The following NUP93 variants were observed in gnomAD, a reference collection of about 807,000 sequenced individuals.
NUP93 encodes nuclear pore complex protein Nup93.
NUP93 carries 55 observed loss-of-function variants against 107.8 expected under a neutral mutation model. That is an observed-to-expected ratio of 0.51 (90% confidence interval 0.41 to 0.64). The LOEUF is 0.64. Ranked by LOEUF, NUP93 falls within the 30% of genes least tolerant of loss-of-function variation. The pLI, the probability that NUP93 is intolerant of heterozygous loss-of-function variation, is 0.00. For missense variants in NUP93, 937 were observed against 1,044.7 expected (o/e 0.90, Z 1.42); for synonymous variants, 390 against 397.5 (o/e 0.98, Z 0.22).
intron 5 of NUP93, among the ~76,000 whole-genome samples, chr16:56,806,310 T>C (rs1963138415): frequency 6.6e-6 from 1 of 151,946 alleles, no homozygotes; most frequent in Non-Finnish European, 1.5e-5. Context: ...CCTTAAAATA[T>C]ACCCAGAATC....
chr16:56,804,252 T>G (rs901858071), intron 4 of NUP93, among the ~76,000 whole-genome samples: 6 of 152,176 alleles, frequency 3.9e-5, no homozygotes, highest in African/African-American at 1.4e-4. Flanking sequence ...GCAGGGATAT[T>G]TGTACACCCA....
chr16:56,814,629 C>G (rs1348782458), intron 5 of NUP93, among the ~76,000 whole-genome samples: 1 of 152,140 alleles, frequency 6.6e-6, no homozygotes, highest in Non-Finnish European at 1.5e-5. Flanking sequence ...CCATCCTGTC[C>G]TGGAATGGCT....
chr16:56,817,409 G>A (rs571470985), intron 5 of NUP93, among the ~76,000 whole-genome samples: 1 of 152,272 alleles, frequency 6.6e-6, no homozygotes, highest in Admixed American at 6.5e-5. Flanking sequence ...GTGCTGGGAA[G>A]CTTGGCTGTT....
At chr16:56,759,226 G>A (rs926060829) in intron 3 of NUP93, among the ~76,000 whole-genome samples, 4 of 152,190 alleles carry the variant, frequency 2.6e-5, no homozygotes, top group South Asian at 2.1e-4. Context: ...AGAAACTGAC[G>A]TAAAATTGTT....
intron 5 of NUP93, among the ~76,000 whole-genome samples, chr16:56,811,763 G>A (rs1204070734): frequency 1.3e-5 from 2 of 152,082 alleles, no homozygotes; most frequent in African/African-American, 4.8e-5. Context: ...GAGCCACTGC[G>A]TCTGGCCATG....
In NUP93 at chr16:56,730,198, G is replaced by T. The variant is rs954794667; in HGVS notation, c.-28G>T. On this transcript the variant is annotated 5_prime_UTR_variant, in exon 1 of 22. Coordinates refer to ENST00000308159, the MANE Select transcript of NUP93 (RefSeq NM_014669.5). ...AAGCCGGCACCTGAGCGGCGGAGACGGCTGTAGCACAAGGTAAGGGTGTGT... is the reference window on the plus strand; with the variant it reads ...AAGCCGGCACCTGAGCGGCGGAGACTGCTGTAGCACAAGGTAAGGGTGTGT... 2 of 152,412 alleles carry T rather than the reference G, an allele frequency of 1.3e-5. No individual in the cohort carries two copies. The highest frequency in any genetic ancestry group is 2.9e-5 in the Non-Finnish European group (2 of 68,202). The allele number at this position is 152,412 out of a possible 1,614,324, so 9.4% of individuals were successfully genotyped here. A position where few individuals can be genotyped will look rare whatever the true frequency, so the allele number is the denominator to read the frequency against.
Position 56,834,108 on chromosome 16 carries a change from T to A in NUP93, c.1538-20T>A. 6.2e-7 allele frequency: 1 copy of A among 1,613,922 alleles called. No homozygotes were observed. Among genetic ancestry groups the A allele is most frequent in the African/African-American group, 1.3e-5 (1 of 74,994 alleles). ...AGAGGGGCAGTGTGGTTGTGACCCA[T>A]TCTGACCCCCACAATGCAGTCAGCC... On this transcript the variant is annotated intron_variant, in intron 13 of 21. Coordinates refer to ENST00000308159, the MANE Select transcript of NUP93 (RefSeq NM_014669.5).
intron 1 of NUP93, among the ~76,000 whole-genome samples, chr16:56,738,610 T>TC (rs751717751): frequency 6.6e-6 from 1 of 152,190 alleles, no homozygotes; most frequent in Non-Finnish European, 1.5e-5. Context: ...AATTTTTTTT[T>TC]CCCTCTCCTC....
rs113702651 is a variant in NUP93, at chr16:56,779,653, A to G, written c.298-18823A>G. Among the ~76,000 whole-genome samples the G allele has an allele frequency of 4.5e-3, 683 of 152,198 alleles. 6 individuals carry two copies. Among genetic ancestry groups the G allele is most frequent in the African/African-American group, 0.016 (659 of 41,514 alleles). On this transcript the variant is annotated intron_variant, in intron 3 of 21. Coordinates refer to ENST00000308159, the MANE Select transcript of NUP93 (RefSeq NM_014669.5). The stretch of plus-strand genomic sequence containing the variant: ...TCCTTTCCAGCCAGCATATCTTGCA[A>G]CTCCAAGCCAGCCACTCATCTAGTT...
At chr16:56,784,643 AT>A (rs1226550518) in intron 3 of NUP93, among the ~76,000 whole-genome samples, 8 of 152,218 alleles carry the variant, frequency 5.3e-5, no homozygotes, top group Non-Finnish European at 1.2e-4. Context: ...AATAATTTTT[AT>A]CTTTTAAACC....
Position 56,833,247 on chromosome 16 carries a change from T to C in NUP93, c.1378T>C (p.Phe460Leu). The change falls in exon 13 of 22, where the codon TTC becomes CTC. Residue 460 changes from phenylalanine (F) to leucine (L), a missense_variant. Phe to Leu is a conservative substitution (Grantham distance 22). Transcript: ENST00000308159. ...CCACTTTACGGTGAACCAGCAACCCTTCCTCTACTTCCAAGTCCTGTTCCT... is the reference window on the plus strand; with the variant it reads ...CCACTTTACGGTGAACCAGCAACCCCTCCTCTACTTCCAAGTCCTGTTCCT... Reference protein sequence around the residue: ...ESHFTVNQQPFLYFQVLFLTA... With the variant: ...ESHFTVNQQPLLYFQVLFLTA... The C allele has an allele frequency of 6.2e-7, 1 of 1,604,806 alleles. No homozygotes were observed.
chr16:56,777,847 G>A (rs908261025), intron 3 of NUP93, among the ~76,000 whole-genome samples: 5 of 152,182 alleles, frequency 3.3e-5, no homozygotes, highest in African/African-American at 1.2e-4. Flanking sequence ...GAGCTGAAAA[G>A]ATTTGAAAGA....
intron 4 of NUP93, among the ~76,000 whole-genome samples, chr16:56,804,111 G>A (rs543487729): frequency 1.2e-4 from 18 of 152,268 alleles, no homozygotes; most frequent in Admixed American, 5.2e-4. Context: ...CTTGTGCACT[G>A]CAGGTAGAAA....
chr16:56,743,545 T>G (rs1346647496), intron 1 of NUP93, among the ~76,000 whole-genome samples: 1 of 152,208 alleles, frequency 6.6e-6, no homozygotes, highest in Non-Finnish European at 1.5e-5. Context: ...GGTATCCTAC[T>G]GCAGCTTCTG....
Position 56,830,707 on chromosome 16 carries a change from G to A in NUP93, c.1085+22G>A, listed in dbSNP as rs532446910. The A allele has an allele frequency of 1.2e-5, 18 of 1,528,018 alleles. No homozygotes were observed. The South Asian group carries it at 2.0e-4, about 17-fold the overall frequency. The allele number at this position is 1,528,018 out of a possible 1,614,324, so 94.7% of individuals were successfully genotyped here. A position where few individuals can be genotyped will look rare whatever the true frequency, so the allele number is the denominator to read the frequency against. ...GAAGGTATGGTGAATGAGGTGGCAC[G>A]CCCAGGGGCAGCCATGCAGAATCAA... On this transcript the variant is annotated intron_variant, in intron 10 of 21. Coordinates refer to ENST00000308159, the MANE Select transcript of NUP93 (RefSeq NM_014669.5).
chr16:56,782,068 C>T lies in NUP93; in HGVS notation c.298-16408C>T, dbSNP rs1440291951. Reference sequence around the variant, plus strand: ...TCTCTTCTCTCTGTCCTTCTCCCCACCCCCATCCCTCAATTCAGGCAGTTT... The same window carrying T: ...TCTCTTCTCTCTGTCCTTCTCCCCATCCCCATCCCTCAATTCAGGCAGTTT... On this transcript the variant is annotated intron_variant, in intron 3 of 21. Coordinates refer to ENST00000308159, the MANE Select transcript of NUP93 (RefSeq NM_014669.5). The T allele has an allele frequency of 1.0e-5, 10 of 985,340 alleles. No homozygotes were observed. The African/African-American group carries it at 1.7e-4, about 17-fold the overall frequency. The allele number at this position is 985,340 out of a possible 1,614,324, so 61.0% of individuals were successfully genotyped here.
In NUP93 at chr16:56,842,805, G is replaced by A. The variant is rs116756784; in HGVS notation, c.2349+972G>A. On this transcript the variant is annotated intron_variant, in intron 21 of 21. Coordinates refer to ENST00000308159, the MANE Select transcript of NUP93 (RefSeq NM_014669.5). Reference sequence around the variant, plus strand: ...TGAGCTCAAGAGATCCCCCAACCTCGGCCTCCCAAAGTGCTAGGATTACAG... The same window carrying A: ...TGAGCTCAAGAGATCCCCCAACCTCAGCCTCCCAAAGTGCTAGGATTACAG... 3.4e-3 allele frequency: 1,103 copies of A among 328,760 alleles called. 18 individuals carry two copies. The highest frequency in any genetic ancestry group is 0.023 in the African/African-American group (1,052 of 44,848). 20.4% of individuals were successfully genotyped at this position (328,760 alleles called of 1,614,324 possible). A position where few individuals can be genotyped will look rare whatever the true frequency, so the allele number is the denominator to read the frequency against.
chr16:56,781,481 A>G (rs1821980061), intron 3 of NUP93, among the ~76,000 whole-genome samples: 1 of 152,184 alleles, frequency 6.6e-6, no homozygotes, highest in Admixed American at 6.5e-5. Flanking sequence ...CTGCTGCTGT[A>G]TAAAATCTTT....
chr16:56,850,254 C>T lies in NUP93; in HGVS notation c.*5645C>T, dbSNP rs1964160845. 1 of 152,134 alleles carries T rather than the reference C, an allele frequency of 6.6e-6. No homozygotes were observed. Among genetic ancestry groups the T allele is most frequent in the African/African-American group, 2.4e-5 (1 of 41,384 alleles). 9.4% of individuals were successfully genotyped at this position (152,134 alleles called of 1,614,324 possible). A position where few individuals can be genotyped will look rare whatever the true frequency, so the allele number is the denominator to read the frequency against. On this transcript the variant is annotated 3_prime_UTR_variant, in exon 22 of 22. Transcript: ENST00000308159. ...TTAGGATGGTTCCTTCACCACTATC[C>T]CTGTCTGTAGCCAGTAAATTTCTGG...
Sources: gnomAD v4.1 joint callset for allele counts (sites outside exome capture counted in the v4.1 genomes callset) on GRCh38, gnomAD v4.1.1 for gene constraint, MANE v1.5 for transcripts, NCBI Gene and HGNC (gene_info 2026-07-23, HGNC 2026-07-21) for gene names.